CNTN6: variants seen among roughly 807,000 people sequenced by gnomAD.
CNTN6 encodes contactin-6.
In CNTN6, 137 loss-of-function variants were observed where a neutral mutation model predicts 122.8. The ratio of observed to expected loss-of-function variants is 1.12; its 90% CI spans 0.97 to 1.29. The LOEUF (loss-of-function observed/expected upper bound fraction) is 1.29, where lower values mean the gene tolerates loss of function less well. Ranked by LOEUF, CNTN6 falls within the 50% of genes most tolerant of loss-of-function variation. The pLI, the probability that CNTN6 is intolerant of heterozygous loss-of-function variation, is 0.00. For missense variants in CNTN6, 1,634 were observed against 1,223.4 expected (o/e 1.34, Z -5.01); for synonymous variants, 570 against 426.0 (o/e 1.34, Z -4.16).
At chr3:1,136,911 A>T (rs1289896239) in intron 1 of CNTN6, among the ~76,000 whole-genome samples, 2 of 152,196 alleles carry the variant, frequency 1.3e-5, no homozygotes, top group African/African-American at 4.8e-5. Context: ...CAATAATTGT[A>T]TACCTCTTAT....
chr3:1,315,896 A>G (rs1437934432), intron 7 of CNTN6, among the ~76,000 whole-genome samples: 1 of 151,972 alleles, frequency 6.6e-6, no homozygotes, highest in Non-Finnish European at 1.5e-5. Flanking sequence ...CGTTTCATTC[A>G]TAGTGTGGAG....
chr3:1,375,978 T>C (rs1337564569), intron 16 of CNTN6, among the ~76,000 whole-genome samples: 2 of 152,000 alleles, frequency 1.3e-5, no homozygotes, highest in African/African-American at 2.4e-5. Flanking sequence ...AATTAAAACT[T>C]ACATATTTTA....
intron 1 of CNTN6, among the ~76,000 whole-genome samples, chr3:1,144,510 G>A (rs1203918145): frequency 6.6e-6 from 1 of 151,884 alleles, no homozygotes; most frequent in Non-Finnish European, 1.5e-5. Context: ...AAAAGGCAGA[G>A]GTTGGAGTGA....
rs117054250 is a variant in CNTN6, at chr3:1,268,661, C to T, written c.359-9752C>T. On this transcript the variant is annotated intron_variant, in intron 4 of 22. Coordinates refer to ENST00000446702, the MANE Select transcript of CNTN6 (RefSeq NM_001289080.2). ...GTGGCAGTTCTTGGAATAAAATTCA[C>T]ATATTTTTGACTTTAGGTCTCCTTT... Among the ~76,000 whole-genome samples the T allele has an allele frequency of 9.9e-4, 150 of 151,106 alleles. 1 individual carries two copies. The East Asian group carries it at 0.014, about 14-fold the overall frequency.
chr3:1,262,723 T>C (rs149666483), intron 4 of CNTN6, among the ~76,000 whole-genome samples: 1,993 of 152,246 alleles, frequency 0.013, 21 homozygotes, highest in South Asian at 0.031. Context: ...TTCTATTAAT[T>C]AGTAACCAGT....
At chr3:1,120,489 C>G (rs116546495) in intron 1 of CNTN6, among the ~76,000 whole-genome samples, 3,365 of 151,876 alleles carry the variant, frequency 0.022, 57 homozygotes, top group East Asian at 0.043. Context: ...ACATATTTTA[C>G]TTTGTAAAGT....
In CNTN6 at chr3:1,268,563, A is replaced by T. The variant is rs573635915; in HGVS notation, c.359-9850A>T. 1.0e-4 allele frequency among the ~76,000 whole-genome samples: 14 copies of T among 137,226 alleles called. 1 individual carries two copies. The highest frequency in any genetic ancestry group is 1.6e-4 in the Non-Finnish European group (10 of 64,388). 90.0% of individuals were successfully genotyped at this position (137,226 alleles called of 152,430 possible). A position where few individuals can be genotyped will look rare whatever the true frequency, so the allele number is the denominator to read the frequency against. On this transcript the variant is annotated intron_variant, in intron 4 of 22. Transcript: ENST00000446702. ...AGGAGCTTGCAGTGAGCCGAGATTG[A>T]GCCACTGCACTCCAGCCTGGGCGAC... is the stretch of plus-strand genomic sequence containing the variant.
At chr3:1,161,558 C>T (rs2093133061) in intron 2 of CNTN6, among the ~76,000 whole-genome samples, 1 of 151,584 alleles carries the variant, frequency 6.6e-6, no homozygotes, top group Admixed American at 6.6e-5. Flanking sequence ...CATTTATATG[C>T]ACACAAATAT....
At position 1,154,002 on chromosome 3, in the gene CNTN6, G is replaced by C. The variant is rs73105144; in HGVS notation, c.55+5939G>C. ...AGCACCTTTAAGAATGGAACACCAG[G>C]CTGTATTTTTAAGCCAAGTGACATC... On this transcript the variant is annotated intron_variant, in intron 2 of 22. Coordinates refer to ENST00000446702, the MANE Select transcript of CNTN6 (RefSeq NM_001289080.2). Among the ~76,000 whole-genome samples the C allele has an allele frequency of 2.3e-3, 346 of 152,272 alleles. 1 individual carries two copies. Among genetic ancestry groups the C allele is most frequent in the African/African-American group, 7.9e-3 (327 of 41,556 alleles).
chr3:1,205,331 T>C (rs11128578), intron 2 of CNTN6, among the ~76,000 whole-genome samples: 61,719 of 152,016 alleles, frequency 0.41, 12,962 homozygotes, highest in African/African-American at 0.52. Context: ...CCATTGAGTT[T>C]GAGGTAATTT....
intron 4 of CNTN6, among the ~76,000 whole-genome samples, chr3:1,263,127 T>C (rs1426037956): frequency 6.6e-6 from 1 of 152,092 alleles, no homozygotes; most frequent in Non-Finnish European, 1.5e-5. Context: ...CCATTCCTCT[T>C]TTCAGCAAAT....
Position 1,256,491 on chromosome 3 carries a change from A to C in CNTN6, c.359-21922A>C, listed in dbSNP as rs549433583. Among the ~76,000 whole-genome samples the C allele has an allele frequency of 2.0e-5, 3 of 152,274 alleles. No homozygotes were observed. The South Asian group carries it at 6.2e-4, about 32-fold the overall frequency. On this transcript the variant is annotated intron_variant, in intron 4 of 22. Transcript: ENST00000446702. ...AGACTTGAAGAACTACTTTGAATAA[A>C]GAATTAAGAGTTCAATTTCAGAGAT... is the stretch of plus-strand genomic sequence containing the variant.
intron 2 of CNTN6, among the ~76,000 whole-genome samples, chr3:1,207,840 A>G (rs770445482): frequency 6.6e-6 from 1 of 152,018 alleles, no homozygotes; most frequent in Non-Finnish European, 1.5e-5. Flanking sequence ...ATCTTCTTTC[A>G]TTCTCACTGC....
chr3:1,221,546 T>C (rs532810382), intron 3 of CNTN6, among the ~76,000 whole-genome samples: 11 of 152,296 alleles, frequency 7.2e-5, no homozygotes, highest in East Asian at 5.8e-4. Context: ...ATTTTTATTC[T>C]GGGCAAATAA....
At chr3:1,220,375 G>GA (rs1295161774) in intron 2 of CNTN6, among the ~76,000 whole-genome samples, 3 of 152,000 alleles carry the variant, frequency 2.0e-5, no homozygotes, top group Admixed American at 6.6e-5. Flanking sequence ...AATTTTATTA[G>GA]AAAAAATGGG....
At chr3:1,223,730 C>T (rs2094240422) in intron 3 of CNTN6, among the ~76,000 whole-genome samples, 1 of 152,202 alleles carries the variant, frequency 6.6e-6, no homozygotes, top group Non-Finnish European at 1.5e-5. Flanking sequence ...AATCTTCTCT[C>T]TACCTGGTCA....
intron 17 of CNTN6, among the ~76,000 whole-genome samples, chr3:1,378,050 G>A (rs1710137756): frequency 6.6e-6 from 1 of 152,082 alleles, no homozygotes; most frequent in Non-Finnish European, 1.5e-5. Context: ...CTGGATTTTG[G>A]TGGTCCATTT....
At chr3:1,171,968 T>C (rs1191423890) in intron 2 of CNTN6, among the ~76,000 whole-genome samples, 1 of 152,164 alleles carries the variant, frequency 6.6e-6, no homozygotes, top group East Asian at 1.9e-4. Flanking sequence ...CATCGTGCCT[T>C]CTCATAAAGC....
chr3:1,384,187 A>G (rs1222851275), intron 19 of CNTN6, among the ~76,000 whole-genome samples: 1 of 152,164 alleles, frequency 6.6e-6, no homozygotes, highest in Non-Finnish European at 1.5e-5. Context: ...GTACCCTTAA[A>G]ATTTTTCAAG....
Sources: allele counts gnomAD v4.1 joint callset (sites outside exome capture counted in the v4.1 genomes callset), GRCh38; gene constraint gnomAD v4.1.1; transcripts MANE v1.5; gene names NCBI Gene and HGNC (gene_info 2026-07-23, HGNC 2026-07-21).